Variants in GFRA2 observed in about 807,000 individuals in gnomAD.
The protein encoded by GFRA2 is GDNF family receptor alpha-2.
Under a neutral mutation model 48.3 loss-of-function variants are expected in GFRA2, and 17 were observed. The observed-to-expected ratio is 0.35, with a 90% CI of 0.24 to 0.53. GFRA2 has a LOEUF of 0.53. Among genes scored for constraint, GFRA2 ranks in the 20% least tolerant of loss-of-function variants. The probability of loss-of-function intolerance (pLI) is 0.93; values close to 1 mark genes in which losing one functional copy is unlikely to be tolerated. For missense variants in GFRA2, 660 were observed against 637.3 expected (o/e 1.04, Z -0.38); for synonymous variants, 305 against 257.2 (o/e 1.19, Z -1.78).
At chr8:21,739,266 A>G (rs891039839) in intron 4 of GFRA2, among the ~76,000 whole-genome samples, 2 of 152,162 alleles carry the variant, frequency 1.3e-5, no homozygotes, top group Non-Finnish European at 2.9e-5. Context: ...GGATGCCAGT[A>G]GTGATCTGAT....
chr8:21,737,758 C>G (rs1195284095), intron 4 of GFRA2, among the ~76,000 whole-genome samples: 1 of 152,150 alleles, frequency 6.6e-6, no homozygotes, highest in East Asian at 1.9e-4. Flanking sequence ...CTCTCCCTGG[C>G]TCTCCCAGCC....
At chr8:21,782,427 C>T (rs1343047185) in intron 2 of GFRA2, among the ~76,000 whole-genome samples, 158 bp downstream of exon 2, 3 of 151,890 alleles carry the variant, frequency 2.0e-5, no homozygotes, top group East Asian at 1.9e-4. Flanking sequence ...GGTGGGGCGG[C>T]GACTTCTCTG....
At position 21,788,490 on chromosome 8, in the gene GFRA2, A is replaced by T. The variant is rs1166876978; in HGVS notation, c.-331T>A. 13 of 1,082,656 alleles carry T rather than the reference A, an allele frequency of 1.2e-5. No individual in the cohort carries two copies. In the East Asian group the frequency reaches 7.9e-4, roughly 66 times the overall value. 67.1% of individuals were successfully genotyped at this position (1,082,656 alleles called of 1,614,324 possible). On this transcript the variant is annotated 5_prime_UTR_variant, in exon 1 of 9. Transcript: ENST00000524240. ...CCCTCCAATCGTCCGGGAAGGCGTG[A>T]GTCCCCGCGGGTCCAATTCCCCTGC...
intron 7 of GFRA2, among the ~76,000 whole-genome samples, chr8:21,697,781 G>A (rs1249278007): frequency 6.6e-6 from 1 of 152,152 alleles, no homozygotes; most frequent in African/African-American, 2.4e-5. Context: ...CTTCCATGCT[G>A]TTCTCGTGGT....
At chr8:21,757,900 A>G (rs186016349) in intron 3 of GFRA2, among the ~76,000 whole-genome samples, 6 of 152,224 alleles carry the variant, frequency 3.9e-5, no homozygotes, top group African/African-American at 9.6e-5. Context: ...AAATGATAAC[A>G]CCTATGTTGG....
At chr8:21,704,763 T>C (rs1216368865) in intron 6 of GFRA2, among the ~76,000 whole-genome samples, 3 of 152,282 alleles carry the variant, frequency 2.0e-5, no homozygotes, top group South Asian at 4.1e-4. Context: ...AGGCTTGACA[T>C]AGGTTCAAGA....
intron 4 of GFRA2, chr8:21,706,262 C>A (rs923581118): frequency 3.1e-6 from 2 of 650,484 alleles, no homozygotes; most frequent in Non-Finnish European, 2.8e-6. Flanking sequence ...GCACATAGTG[C>A]GGCTTAAGAA....
At chr8:21,727,621 T>C (rs145650486) in intron 4 of GFRA2, among the ~76,000 whole-genome samples, 1,550 of 152,252 alleles carry the variant, frequency 0.01, 9 homozygotes, top group Non-Finnish European at 0.016. Context: ...AGGCCAGGCA[T>C]GCTCCGGACC....
intron 2 of GFRA2, among the ~76,000 whole-genome samples, chr8:21,780,508 C>G (rs958678289): frequency 6.6e-6 from 1 of 152,090 alleles, no homozygotes; most frequent in African/African-American, 2.4e-5. Context: ...CCTCTCACTG[C>G]GGTCATGCAC....
intron 1 of GFRA2, among the ~76,000 whole-genome samples, chr8:21,809,759 C>T (rs187581355): frequency 1.6e-4 from 24 of 152,338 alleles, no homozygotes; most frequent in African/African-American, 5.3e-4. Context: ...GAGTTTGCAG[C>T]CTCTGTTTGG....
chr8:21,769,482 A>G (rs1037167851), intron 3 of GFRA2, among the ~76,000 whole-genome samples: 6 of 152,214 alleles, frequency 3.9e-5, no homozygotes, highest in Non-Finnish European at 8.8e-5. Flanking sequence ...CAGTGCTTGC[A>G]GGGCAGCTGG....
At chr8:21,724,076 C>T (rs147276653) in intron 4 of GFRA2, among the ~76,000 whole-genome samples, 1 of 152,314 alleles carries the variant, frequency 6.6e-6, no homozygotes, top group East Asian at 1.9e-4. Flanking sequence ...GGAGACAATA[C>T]CCTCAGAGCC....
At chr8:21,761,413 A>G (rs949232998) in intron 3 of GFRA2, among the ~76,000 whole-genome samples, 3 of 152,248 alleles carry the variant, frequency 2.0e-5, no homozygotes, top group African/African-American at 7.2e-5. Flanking sequence ...CAGAAAAAGC[A>G]GAGACCCTGG....
At chr8:21,697,737 C>A (rs928599502) in intron 7 of GFRA2, among the ~76,000 whole-genome samples, 2 of 152,164 alleles carry the variant, frequency 1.3e-5, no homozygotes, top group Non-Finnish European at 2.9e-5. Flanking sequence ...GGGAGGGAAC[C>A]AGTGGGAGAT....
rs148130955 is a variant in GFRA2, at chr8:21,726,289, T to C, written c.795-20248A>G. ...CCCAGCTCTCAGGGGGTATTAATTG[T>C]CATGAAGGCAGCCAGGTACCACCCA... is the stretch of plus-strand genomic sequence containing the variant. On this transcript the variant is annotated intron_variant, in intron 4 of 8. Transcript: ENST00000524240. Among the ~76,000 whole-genome samples the C allele has an allele frequency of 4.5e-3, 684 of 152,258 alleles. 6 individuals carry two copies. Among genetic ancestry groups the C allele is most frequent in the African/African-American group, 0.015 (622 of 41,550 alleles).
At chr8:21,806,565 A>G (rs1481877584) in intron 1 of GFRA2, among the ~76,000 whole-genome samples, 1 of 152,210 alleles carries the variant, frequency 6.6e-6, no homozygotes, top group Non-Finnish European at 1.5e-5. Flanking sequence ...CCCGGACTCA[A>G]GCGATCCTCC....
At chr8:21,744,755 G>A (rs948160997) in intron 4 of GFRA2, among the ~76,000 whole-genome samples, 1 of 152,132 alleles carries the variant, frequency 6.6e-6, no homozygotes, top group Non-Finnish European at 1.5e-5. Context: ...TTATCAGAAG[G>A]CTTTTAAAGG....
chr8:21,727,611 A>G (rs1354310806), intron 4 of GFRA2, among the ~76,000 whole-genome samples: 2 of 152,118 alleles, frequency 1.3e-5, no homozygotes, highest in East Asian at 1.9e-4. Flanking sequence ...CCTTTCCCCA[A>G]GGCCAGGCAT....
chr8:21,806,476 T>C (rs2117119895), intron 1 of GFRA2, among the ~76,000 whole-genome samples: 1 of 152,306 alleles, frequency 6.6e-6, no homozygotes, highest in African/African-American at 2.4e-5. Context: ...ATTAAGTGCA[T>C]TTTTTTGAGA....
Sources: allele counts gnomAD v4.1 joint callset (sites outside exome capture counted in the v4.1 genomes callset), GRCh38; gene constraint gnomAD v4.1.1; transcripts MANE v1.5; gene names NCBI Gene and HGNC (gene_info 2026-07-23, HGNC 2026-07-21).